The following LINGO2 variants were observed in gnomAD, a reference collection of about 807,000 sequenced individuals.
LINGO2 encodes leucine rich repeat and Ig domain containing 2, also known as leucine-rich repeat and immunoglobulin-like domain-containing nogo receptor-interacting protein 2.
A neutral mutation model predicts 30.6 loss-of-function variants in LINGO2; 14 were observed. The ratio of observed to expected loss-of-function variants is 0.46; its 90% CI spans 0.30 to 0.72. The LOEUF is 0.72. LINGO2 is among the 30% of genes least tolerant of loss of function. The pLI is 0.07. For synonymous variants in LINGO2, 317 were observed against 288.5 expected, an observed-to-expected ratio of 1.10 and a Z score of -1.00; for missense variants, 729 against 751.7, an observed-to-expected ratio of 0.97 and a Z score of 0.35.
At chr9:29,139,021 T>C in the LINGO2 span, among the ~76,000 whole-genome samples, 1 of 152,148 alleles carries the variant, frequency 6.6e-6, no homozygotes, top group Non-Finnish European at 1.5e-5. Flanking sequence ...TCTGACTTGC[T>C]TGCACACTCT....
intron 3 of LINGO2, among the ~76,000 whole-genome samples, chr9:28,339,985 T>C (rs996634855): frequency 6.6e-6 from 1 of 152,154 alleles, no homozygotes; most frequent in Non-Finnish European, 1.5e-5. Flanking sequence ...TCCCCTCCAT[T>C]ATCCTGCTTC....
the LINGO2 span, among the ~76,000 whole-genome samples, chr9:28,935,704 T>A: frequency 1.2e-4 from 18 of 151,624 alleles, no homozygotes; most frequent in South Asian, 8.3e-4. Flanking sequence ...GTTCTTTTTT[T>A]AAAAAAACAA....
At chr9:29,071,493 A>G in the LINGO2 span, among the ~76,000 whole-genome samples, 1 of 40,092 alleles carries the variant, frequency 2.5e-5, no homozygotes, top group African/African-American at 5.9e-5. Flanking sequence ...ATATATATAT[A>G]TATATATATA....
chr9:28,687,144 G>A, the LINGO2 span, among the ~76,000 whole-genome samples: 2 of 152,020 alleles, frequency 1.3e-5, no homozygotes, highest in Admixed American at 6.6e-5. Flanking sequence ...AAATTACACA[G>A]AATAGAAAAC....
chr9:28,796,658 TAA>T, the LINGO2 span, among the ~76,000 whole-genome samples: 1,003 of 152,120 alleles, frequency 6.6e-3, 13 homozygotes, highest in African/African-American at 0.023. Context: ...TACAAATTGA[TAA>T]GAGGGAGGAC....
At chr9:28,525,912 G>C (rs926870359) in intron 1 of LINGO2, among the ~76,000 whole-genome samples, 23 of 151,718 alleles carry the variant, frequency 1.5e-4, no homozygotes, top group Admixed American at 3.3e-4. Flanking sequence ...AAAAATTAGC[G>C]GGGCGTGGTG....
intron 4 of LINGO2, among the ~76,000 whole-genome samples, chr9:28,203,448 C>T (rs1242606357): frequency 6.6e-6 from 1 of 152,034 alleles, no homozygotes; most frequent in Non-Finnish European, 1.5e-5. Flanking sequence ...TCTTTTGGGC[C>T]TAGGTTCTGA....
intron 4 of LINGO2, among the ~76,000 whole-genome samples, chr9:28,210,169 G>T (rs66479517): frequency 0.16 from 23,899 of 151,272 alleles, 2,028 homozygotes; most frequent in Middle Eastern, 0.21. Flanking sequence ...ATTTCTAATG[G>T]CTTTGAGCTC....
chr9:28,544,582 C>G (rs1342218806), intron 1 of LINGO2, among the ~76,000 whole-genome samples: 1 of 152,072 alleles, frequency 6.6e-6, no homozygotes, highest in African/African-American at 2.4e-5. Context: ...AGTGGGCATT[C>G]CCACCCATGT....
the LINGO2 span, among the ~76,000 whole-genome samples, chr9:29,051,775 G>A: frequency 6.6e-6 from 1 of 152,050 alleles, no homozygotes; most frequent in African/African-American, 2.4e-5. Context: ...TTTGGACTCA[G>A]GAAGCTTGCA....
the LINGO2 span, among the ~76,000 whole-genome samples, chr9:28,928,684 T>C: frequency 5.9e-5 from 9 of 152,072 alleles, no homozygotes; most frequent in African/African-American, 1.9e-4. Flanking sequence ...TTTCTAATGG[T>C]AGCAGGAGAA....
At chr9:28,008,460 G>A (rs1225143278) in intron 5 of LINGO2, among the ~76,000 whole-genome samples, 1 of 145,726 alleles carries the variant, frequency 6.9e-6, no homozygotes, top group Non-Finnish European at 1.5e-5. Flanking sequence ...TTGCACTGAA[G>A]ATTCTACTCA....
chr9:28,486,635 T>C (rs1016166987), intron 1 of LINGO2, among the ~76,000 whole-genome samples: 1 of 152,096 alleles, frequency 6.6e-6, no homozygotes, highest in Admixed American at 6.6e-5. Context: ...ATTCCTCAGG[T>C]ACAGGAGACA....
rs113972122 is a variant in LINGO2, at chr9:28,219,290, C to T, written c.-87+75918G>A. Among the ~76,000 whole-genome samples, 1,160 of 152,270 alleles carry T rather than the reference C, an allele frequency of 7.6e-3. 20 individuals are homozygous for T. The highest frequency in any genetic ancestry group is 0.026 in the African/African-American group (1,070 of 41,544). ...AAAGCTTAATATTCAGAAAAACTAA[C>T]GAGTGGCTTTCTGCATACTTGCTCT... On this transcript the variant is annotated intron_variant, in intron 4 of 5. Coordinates refer to ENST00000379992, the Ensembl canonical transcript of LINGO2.
At chr9:28,646,520 A>G (rs1010094609) in intron 1 of LINGO2, among the ~76,000 whole-genome samples, 1 of 152,110 alleles carries the variant, frequency 6.6e-6, no homozygotes, top group African/African-American at 2.4e-5. Flanking sequence ...GTCTGGTAAG[A>G]ACAGTCTCCA....
chr9:28,744,231 A>T, the LINGO2 span, among the ~76,000 whole-genome samples: 438 of 151,960 alleles, frequency 2.9e-3, 5 homozygotes, highest in African/African-American at 1.0e-2. Context: ...TTGATGAAAC[A>T]GTGTCATAGT....
chr9:28,263,041 T>C (rs1822620760), intron 4 of LINGO2, among the ~76,000 whole-genome samples: 1 of 152,006 alleles, frequency 6.6e-6, no homozygotes, highest in East Asian at 1.9e-4. Context: ...CTCCTAAGGC[T>C]TAAATTAAGG....
At chr9:28,785,224 A>G in the LINGO2 span, among the ~76,000 whole-genome samples, 1 of 152,198 alleles carries the variant, frequency 6.6e-6, no homozygotes, top group Non-Finnish European at 1.5e-5. Context: ...AACACATTAC[A>G]TTATGAAGAG....
chr9:28,895,744 G>T, the LINGO2 span, among the ~76,000 whole-genome samples: 10 of 152,142 alleles, frequency 6.6e-5, no homozygotes, highest in African/African-American at 2.2e-4. Flanking sequence ...TCACAGGAGG[G>T]AGAACCGAGG....
Sources: gnomAD v4.1 joint callset for allele counts (sites outside exome capture counted in the v4.1 genomes callset) on GRCh38, gnomAD v4.1.1 for gene constraint, MANE v1.5 for transcripts, NCBI Gene and HGNC (gene_info 2026-07-23, HGNC 2026-07-21) for gene names.